Variants in HMOX1 observed in about 807,000 individuals in gnomAD.
HMOX1 encodes heme oxygenase 1.
HMOX1 carries 22 observed loss-of-function variants against 27.8 expected under a neutral mutation model. That is an observed-to-expected ratio of 0.79 (90% CI 0.57 to 1.13). HMOX1 has a LOEUF of 1.13. Ranked by LOEUF, HMOX1 falls within the 50% of genes most tolerant of loss-of-function variation. The probability of loss-of-function intolerance (pLI) is 0.00; values close to 1 mark genes in which losing one functional copy is unlikely to be tolerated. For missense variants in HMOX1, 379 were observed against 377.7 expected (o/e 1.00, Z -0.03); for synonymous variants, 153 against 151.6 (o/e 1.01, Z -0.07).
chr22:35,386,621 G>A (rs368426137), intron 2 of HMOX1, 64 bp from the exon 3 acceptor site: 819 of 1,609,628 alleles, frequency 5.1e-4, no homozygotes, highest in Non-Finnish European at 6.2e-4. Flanking sequence ...AGTAGTGGAC[G>A]GGACGGACAG....
At chr22:35,386,041 C>T (rs1332082818) in intron 2 of HMOX1, among the ~76,000 whole-genome samples, 1 of 150,708 alleles carries the variant, frequency 6.6e-6, no homozygotes, top group Non-Finnish European at 1.5e-5. Context: ...CTGCAAGCTC[C>T]ACCTCCCGGG....
intron 3 of HMOX1, among the ~76,000 whole-genome samples, chr22:35,389,347 C>CTTT (rs1569057434): frequency 4.4e-4 from 16 of 35,988 alleles, no homozygotes; most frequent in Middle Eastern, 0.011. Flanking sequence ...TCTTCTCCTT[C>CTTT]CTTCCTTCCT....
chr22:35,381,543 C>G (rs968711475), intron 1 of HMOX1, among the ~76,000 whole-genome samples: 5 of 151,930 alleles, frequency 3.3e-5, no homozygotes, highest in Non-Finnish European at 5.9e-5. Flanking sequence ...GCTCTGCCAG[C>G]CTGGGGGAGC....
chr22:35,393,378 CCT>C, intron 4 of HMOX1, 88 bp from the exon 5 acceptor site: 5 of 1,544,342 alleles, frequency 3.2e-6, no homozygotes, highest in Non-Finnish European at 1.8e-6. Flanking sequence ...TACCACAGAC[CCT>C]GAGGCCGCTC....
rs746257195 is a variant in HMOX1 at position 35,386,909 on chromosome 22, C to T, written c.369C>T (p.Arg123=). ...TGAAGCGGCTCCACGAGGTGGGGCG[C>T]ACAGAGCCCGAGCTGCTGGTGGCCC... ...RYVKRLHEVG[R]TEPELLVAHA... is the part of the protein sequence containing the mutation. Residue 123 remains arginine (R), a synonymous_variant, in exon 3 of 5, where the codon CGC becomes CGT. Transcript: ENST00000216117. 3.5e-5 allele frequency: 57 copies of T among 1,613,938 alleles called. No homozygotes were observed. The Admixed American group carries it at 9.0e-4, about 25-fold the overall frequency.
Position 35,389,929 on chromosome 22 carries a change from A to T in HMOX1, c.702A>T (p.Pro234=). The T allele has an allele frequency of 6.2e-7, 1 of 1,612,082 alleles. No homozygotes were observed. Among genetic ancestry groups the T allele is most frequent in the South Asian group, 1.1e-5 (1 of 90,800 alleles). The part of the protein sequence containing the change: ...DTKDQSPSRA[P]GLRQRASNKV... Reference sequence around the variant, plus strand: ...AGGACCAGAGCCCCTCACGGGCACCAGGGCTTCGCCAGCGGGCCAGCAACA... The same window carrying T: ...AGGACCAGAGCCCCTCACGGGCACCTGGGCTTCGCCAGCGGGCCAGCAACA... The change falls in exon 4 of 5, where the codon CCA becomes CCT. Residue 234 remains proline, a synonymous_variant. Coordinates refer to ENST00000216117, the MANE Select transcript of HMOX1 (RefSeq NM_002133.3).
At chr22:35,381,334 G>C in intron 1 of HMOX1, 138 bp downstream of exon 1, 1 of 1,022,384 alleles carries the variant, frequency 9.8e-7, no homozygotes, top group Non-Finnish European at 1.4e-6. Flanking sequence ...CAGGAGGTGC[G>C]GGGTTCTGAT....
In HMOX1 at chr22:35,386,933, C is replaced by G. The variant is rs1931524740; in HGVS notation, c.393C>G (p.Ala131=). 6.2e-7 allele frequency: 1 copy of G among 1,614,094 alleles called. No homozygotes were observed. Among genetic ancestry groups the G allele is most frequent in the East Asian group, 2.2e-5 (1 of 44,882 alleles). The part of the protein sequence containing the change: ...VGRTEPELLV[A]HAYTRYLGDL... ...GCACAGAGCCCGAGCTGCTGGTGGC[C>G]CACGCCTACACCCGCTACCTGGGTG... The change falls in exon 3 of 5, where the codon GCC becomes GCG. Residue 131 remains alanine, a synonymous_variant. Transcript: ENST00000216117.
chr22:35,383,569 CT>C (rs1281676917), intron 2 of HMOX1, among the ~76,000 whole-genome samples: 2 of 152,172 alleles, frequency 1.3e-5, no homozygotes, highest in East Asian at 3.8e-4. Context: ...GGTTCAGTGA[CT>C]AACAGAAGGT....
rs77672261 is a variant in HMOX1 at position 35,383,169 on chromosome 22, G to T, written c.87G>T (p.Glu29Asp). Residue 29 changes from glutamate (E) to aspartate (D), a missense_variant, in exon 2 of 5, where the codon GAG (glutamate) becomes GAT (aspartate). By Grantham distance (45) the Glu-to-Asp change is conservative (BLOSUM62 2). Transcript: ENST00000216117. Reference sequence around the variant, plus strand: ...CCAAGGAGGTGCACACCCAGGCAGAGAATGCTGAGTTCATGAGGAACTTTC... The same window carrying T: ...CCAAGGAGGTGCACACCCAGGCAGATAATGCTGAGTTCATGAGGAACTTTC... ...EATKEVHTQAENAEFMRNFQK... is the reference protein window; with the variant it reads ...EATKEVHTQADNAEFMRNFQK... 173 of 1,613,932 alleles carry T rather than the reference G, an allele frequency of 1.1e-4. No individual in the cohort carries two copies. In the African/African-American group the frequency reaches 2.1e-3, roughly 20 times the overall value.
chr22:35,389,651 C>G lies in HMOX1; in HGVS notation c.637-213C>G, dbSNP rs557994759. ...TAGAGATGGGGTTTCACTATGTTGGCTAGGCTGGTCTCAAACTTCTGACCC... is the reference window on the plus strand; with the variant it reads ...TAGAGATGGGGTTTCACTATGTTGGGTAGGCTGGTCTCAAACTTCTGACCC... On this transcript the variant is annotated intron_variant, in intron 3 of 4. Coordinates refer to ENST00000216117, the MANE Select transcript of HMOX1 (RefSeq NM_002133.3). Among the ~76,000 whole-genome samples, 208 of 131,586 alleles carry G rather than the reference C, an allele frequency of 1.6e-3. 2 individuals are homozygous for G. Among genetic ancestry groups the G allele is most frequent in the African/African-American group, 6.6e-3 (199 of 29,942 alleles). The allele number at this position is 131,586 out of a possible 152,430, so 86.3% of individuals were successfully genotyped here. A position where few individuals can be genotyped will look rare whatever the true frequency, so the allele number is the denominator to read the frequency against.
At chr22:35,390,861 C>G (rs945426935) in intron 4 of HMOX1, among the ~76,000 whole-genome samples, 7 of 152,184 alleles carry the variant, frequency 4.6e-5, no homozygotes, top group Non-Finnish European at 1.0e-4. Flanking sequence ...GCCCCTCCCT[C>G]ATGTGCCTAA....
At chr22:35,389,053 C>G (rs1339877866) in intron 3 of HMOX1, among the ~76,000 whole-genome samples, 1 of 152,112 alleles carries the variant, frequency 6.6e-6, no homozygotes, top group Non-Finnish European at 1.5e-5. Flanking sequence ...CATGGAGACA[C>G]AGGCTAAGGA....
In HMOX1 at chr22:35,394,202, A is replaced by T. The variant is rs113172420; in HGVS notation, c.*604A>T. The T allele has an allele frequency of 1.4e-3, 241 of 167,890 alleles. 1 individual carries two copies. The highest frequency in any genetic ancestry group is 5.6e-3 in the African/African-American group (232 of 41,664). 10.4% of individuals were successfully genotyped at this position (167,890 alleles called of 1,614,324 possible). ...GTGAAATAATAAACAACATTGTCTG[A>T]TAGTAGCTTGAAGTAGTTTTCATGG... On this transcript the variant is annotated 3_prime_UTR_variant, in exon 5 of 5. Transcript: ENST00000216117.
rs756069757 is a variant in HMOX1, at chr22:35,389,449, TTTTC to T, written c.637-404_637-401del. Among the ~76,000 whole-genome samples, 659 of 102,744 alleles carry T rather than the reference TTTTC, an allele frequency of 6.4e-3. 10 individuals are homozygous for T. The highest frequency in any genetic ancestry group is 9.1e-3 in the Middle Eastern group (2 of 220). The allele number at this position is 102,744 out of a possible 152,430, so 67.4% of individuals were successfully genotyped here. A position where few individuals can be genotyped will look rare whatever the true frequency, so the allele number is the denominator to read the frequency against. On this transcript the variant is annotated intron_variant, in intron 3 of 4. Coordinates refer to ENST00000216117, the MANE Select transcript of HMOX1 (RefSeq NM_002133.3). ...CTTTCTATCTTTCTTTCTTTCTTTC[TTTTC>T]TTTCTTTCTTGCAGAGTCTCGCCCT...
chr22:35,389,436 C>CTTTCTTTCTTTCTTTCTTTCT (rs1569057778), intron 3 of HMOX1, among the ~76,000 whole-genome samples: 1 of 107,354 alleles, frequency 9.3e-6, no homozygotes, highest in African/African-American at 4.9e-5. Flanking sequence ...TTCTATCTTT[C>CTTTCTTTCTTTCTTTCTTTCT]TTTCTTTCTT....
At chr22:35,390,185 C>CCT (rs1460535859) in intron 4 of HMOX1, 29 of 589,214 alleles carry the variant, frequency 4.9e-5, no homozygotes, top group Non-Finnish European at 8.9e-5. Context: ...CTCTGCCTCC[C>CCT]CACATGCTGC....
At chr22:35,382,042 A>G (rs1931397915) in intron 1 of HMOX1, among the ~76,000 whole-genome samples, 1 of 152,202 alleles carries the variant, frequency 6.6e-6, no homozygotes, top group Admixed American at 6.5e-5. Context: ...TGAGCATAAC[A>G]TGATAGGGGG....
At chr22:35,392,199 G>T (rs1225413225) in intron 4 of HMOX1, among the ~76,000 whole-genome samples, 1 of 149,384 alleles carries the variant, frequency 6.7e-6, no homozygotes, top group Non-Finnish European at 1.5e-5. Context: ...ACTCCATCCT[G>T]GGCGACAGCG....
Sources: gnomAD v4.1 joint callset for allele counts (sites outside exome capture counted in the v4.1 genomes callset) on GRCh38, gnomAD v4.1.1 for gene constraint, MANE v1.5 for transcripts, NCBI Gene and HGNC (gene_info 2026-07-23, HGNC 2026-07-21) for gene names.